THOC3: variants seen among roughly 807,000 people sequenced by gnomAD.
The protein encoded by THOC3 is TEX1 homolog.
THOC3 carries 4 observed loss-of-function variants against 23.3 expected under a neutral mutation model. The ratio of observed to expected loss-of-function variants is 0.17; its 90% confidence interval spans 0.08 to 0.39. THOC3 has a LOEUF of 0.39. THOC3 is among the 10% of genes least tolerant of loss of function. The pLI is 1.00. For missense variants in THOC3, 64 were observed against 359.4 expected (o/e 0.18, Z 6.65); for synonymous variants, 27 against 141.5 (o/e 0.19, Z 5.74).
At chr5:175,965,807 G>C (rs1260606140) in intron 2 of THOC3, among the ~76,000 whole-genome samples, 2 of 152,184 alleles carry the variant, frequency 1.3e-5, no homozygotes, top group Non-Finnish European at 1.5e-5. Context: ...CCATTCGCAT[G>C]CCAACATCAC....
intron 3 of THOC3, among the ~76,000 whole-genome samples, chr5:175,964,150 C>T (rs1463298293): frequency 6.6e-6 from 1 of 152,224 alleles, no homozygotes; most frequent in African/African-American, 2.4e-5. Flanking sequence ...CAGGACTAGA[C>T]ATTAGGGACT....
At chr5:175,960,535 C>T (rs931175811) in intron 5 of THOC3, 20 of 167,874 alleles carry the variant, frequency 1.2e-4, no homozygotes, top group African/African-American at 3.4e-4. Context: ...AATCTTTTTA[C>T]GAAGAGTGTC....
chr5:175,960,626 T>C (rs1184967846), intron 5 of THOC3: 2 of 125,986 alleles, frequency 1.6e-5, no homozygotes, highest in Non-Finnish European at 3.3e-5. Context: ...TCTCCTCCCA[T>C]TTTTCTATTT....
At chr5:175,963,010 CG>C (rs1434366339) in intron 3 of THOC3, among the ~76,000 whole-genome samples, 4 of 152,088 alleles carry the variant, frequency 2.6e-5, no homozygotes, top group Non-Finnish European at 4.4e-5. Flanking sequence ...CTTCAACAGG[CG>C]TAACAATTAC....
At chr5:175,962,344 C>A (rs1347267665) in intron 3 of THOC3, among the ~76,000 whole-genome samples, 1 of 135,340 alleles carries the variant, frequency 7.4e-6, no homozygotes, top group East Asian at 2.0e-4. Flanking sequence ...TTAGTAAAAT[C>A]CCTGGAGTCC....
chr5:175,961,274 TG>T lies in THOC3; in HGVS notation c.789del (p.Arg264GlyfsTer6). 1.7e-6 allele frequency: 1 copy of T among 578,846 alleles called. No individual in the cohort carries two copies. The highest frequency in any genetic ancestry group is 2.8e-6 in the Non-Finnish European group (1 of 362,526). The allele number at this position is 578,846 out of a possible 1,614,324, so 35.9% of individuals were successfully genotyped here. ...VDELVCVRCFSRLDWPVRTLS... is the reference protein window; with the variant it reads ...VDELVCVRCFXRLDWPVRTLS... ...GGAAGTGCTGATAGAGTCACTTACC[TG>T]GAAAAGCACCGAACACACACTAACT... On this transcript the variant is annotated frameshift_variant and splice_region_variant, in exon 4 of 6. Coordinates refer to ENST00000265097, the MANE Select transcript of THOC3 (RefSeq NM_032361.4). LOFTEE classifies it high-confidence loss of function.
At chr5:175,964,127 C>T (rs1345347959) in intron 3 of THOC3, among the ~76,000 whole-genome samples, 5 of 152,194 alleles carry the variant, frequency 3.3e-5, no homozygotes, top group African/African-American at 9.7e-5. Context: ...GATCCTACTA[C>T]GTGGAGCAGG....
At chr5:175,967,513 C>A (rs1581131244) in intron 1 of THOC3, 3 of 343,106 alleles carry the variant, frequency 8.7e-6, no homozygotes, top group Non-Finnish European at 1.6e-5. Flanking sequence ...TGGTTTTCCA[C>A]CCTTACTCTA....
intron 3 of THOC3, among the ~76,000 whole-genome samples, chr5:175,963,419 G>C (rs1756704145): frequency 6.6e-6 from 1 of 151,988 alleles, no homozygotes; most frequent in East Asian, 1.9e-4. Context: ...GGCTGCACAT[G>C]TGGTAGATAA....
At chr5:175,964,460 A>T (rs1756727600) in intron 3 of THOC3, among the ~76,000 whole-genome samples, 1 of 152,368 alleles carries the variant, frequency 6.6e-6, no homozygotes, top group Admixed American at 6.5e-5. Flanking sequence ...ACTACAAAAA[A>T]TACAAAATTA....
At chr5:175,965,183 T>C (rs751737050) in intron 2 of THOC3, 28 bp from the exon 3 acceptor site, 3 of 1,611,858 alleles carry the variant, frequency 1.9e-6, no homozygotes, top group East Asian at 2.2e-5. Flanking sequence ...ATCAGCAAGA[T>C]AATCTGTTTG....
At chr5:175,965,504 A>C (rs1387059713) in intron 2 of THOC3, among the ~76,000 whole-genome samples, 1 of 152,262 alleles carries the variant, frequency 6.6e-6, no homozygotes, top group East Asian at 1.9e-4. Flanking sequence ...GGCTCACTGC[A>C]AGCTCCACCT....
At chr5:175,962,428 A>ACACG (rs752848411) in intron 3 of THOC3, among the ~76,000 whole-genome samples, 2,167 of 71,514 alleles carry the variant, frequency 0.03, 280 homozygotes, top group Non-Finnish European at 0.037. Flanking sequence ...ATATACACAC[A>ACACG]CACACACACA....
intron 2 of THOC3, among the ~76,000 whole-genome samples, chr5:175,966,195 A>G (rs2113058449): frequency 6.6e-6 from 1 of 152,010 alleles, no homozygotes; most frequent in Admixed American, 6.5e-5. Context: ...TAAAAATAAA[A>G]TAAAATAAAT....
intron 2 of THOC3, chr5:175,965,373 C>T (rs1756745764): frequency 3.4e-6 from 2 of 589,162 alleles, no homozygotes; most frequent in Non-Finnish European, 6.1e-6. Flanking sequence ...CTCTAACATA[C>T]ACTTTATTAT....
intron 2 of THOC3, among the ~76,000 whole-genome samples, chr5:175,965,732 G>T (rs1400681194): frequency 2.0e-5 from 3 of 152,198 alleles, no homozygotes; most frequent in Non-Finnish European, 4.4e-5. Context: ...GCCAAGCCAA[G>T]ATTTTAAACC....
At chr5:175,966,090 A>G (rs12519772) in intron 2 of THOC3, among the ~76,000 whole-genome samples, 111,964 of 140,300 alleles carry the variant, frequency 0.8, 43,067 homozygotes, top group Middle Eastern at 0.87. Context: ...GGTTGAGGTG[A>G]GAGGATGGCT....
At chr5:175,962,521 C>CTTTTT (rs151187689) in intron 3 of THOC3, among the ~76,000 whole-genome samples, 1 of 109,496 alleles carries the variant, frequency 9.1e-6, no homozygotes, top group South Asian at 2.7e-4. Flanking sequence ...TGTAAGGCTC[C>CTTTTT]TTTTTTTTTT....
intron 3 of THOC3, among the ~76,000 whole-genome samples, chr5:175,961,934 G>A (rs1293972989): frequency 4.0e-5 from 6 of 151,318 alleles, no homozygotes; most frequent in Non-Finnish European, 7.4e-5. Context: ...GCTTCCCGAG[G>A]AATCTTAACT....
Sources: gnomAD v4.1 joint callset for allele counts (sites outside exome capture counted in the v4.1 genomes callset) on GRCh38, gnomAD v4.1.1 for gene constraint, MANE v1.5 for transcripts, NCBI Gene and HGNC (gene_info 2026-07-23, HGNC 2026-07-21) for gene names.